SLC15A5: variants seen among roughly 807,000 people sequenced by gnomAD.
SLC15A5 encodes the protein Peptide/histidine transporter ENSP00000340402.
A neutral mutation model predicts 56.1 loss-of-function variants in SLC15A5; 58 were observed. The ratio of observed to expected loss-of-function variants is 1.03; its 90% CI spans 0.84 to 1.29. The LOEUF (loss-of-function observed/expected upper bound fraction) is 1.29, where lower values mean the gene tolerates loss of function less well. Among genes scored for constraint, SLC15A5 ranks in the 50% most tolerant of loss-of-function variants. The pLI is 0.00. For missense variants in SLC15A5, 681 were observed against 672.1 expected (o/e 1.01, Z -0.15); for synonymous variants, 264 against 250.5 (o/e 1.05, Z -0.51).
At position 16,258,990 on chromosome 12, in the gene SLC15A5, CTTTTT is replaced by C. The variant is rs35905307; in HGVS notation, c.585-1125_585-1121del. 8.2e-3 allele frequency among the ~76,000 whole-genome samples: 977 copies of C among 118,512 alleles called. 9 individuals carry two copies. Among genetic ancestry groups the C allele is most frequent in the African/African-American group, 0.029 (929 of 31,616 alleles). The allele number at this position is 118,512 out of a possible 152,430, so 77.7% of individuals were successfully genotyped here. On this transcript the variant is annotated intron_variant, in intron 2 of 8. Coordinates refer to ENST00000344941, the MANE Select transcript of SLC15A5 (RefSeq NM_001170798.1). Reference sequence around the variant, plus strand: ...GGCATGTCTGCCACATCTTCTTTTTCTTTTTTTTTTTTTCTTTTTCTTTTCTTTCT... The same window carrying C: ...GGCATGTCTGCCACATCTTCTTTTTCTTTTTTTTCTTTTTCTTTTCTTTCT...
At chr12:16,252,954 G>A (rs1864533476) in intron 3 of SLC15A5, among the ~76,000 whole-genome samples, 1 of 152,116 alleles carries the variant, frequency 6.6e-6, no homozygotes, top group African/African-American at 2.4e-5. Flanking sequence ...TAAGACCAAT[G>A]GAACAGAGTA....
Position 16,205,422 on chromosome 12 carries a change from G to A in SLC15A5, c.1484-10969C>T, listed in dbSNP as rs188318189. Among the ~76,000 whole-genome samples the A allele has an allele frequency of 2.9e-3, 433 of 150,966 alleles. 2 individuals are homozygous for A. The highest frequency in any genetic ancestry group is 9.4e-3 in the African/African-American group (388 of 41,158). On this transcript the variant is annotated intron_variant, in intron 7 of 8. Coordinates refer to ENST00000344941, the MANE Select transcript of SLC15A5 (RefSeq NM_001170798.1). ...CCCATTTCCAGGATTCTAGTCTAAG[G>A]CGGGAATAAGTTATGTACTTAATGA...
At chr12:16,205,426 G>A (rs566952203) in intron 7 of SLC15A5, among the ~76,000 whole-genome samples, 102 of 150,918 alleles carry the variant, frequency 6.8e-4, no homozygotes, top group African/African-American at 2.2e-3. Flanking sequence ...TCTAAGGCGG[G>A]AATAAGTTAT....
intron 2 of SLC15A5, among the ~76,000 whole-genome samples, chr12:16,259,010 C>CTTTT (rs1864610308): frequency 7.0e-5 from 5 of 71,548 alleles, no homozygotes; most frequent in Admixed American, 1.7e-4. Context: ...TTTTCTTTTT[C>CTTTT]TTTTCTTTCT....
At chr12:16,236,375 C>A (rs1369728732) in intron 5 of SLC15A5, among the ~76,000 whole-genome samples, 1 of 152,044 alleles carries the variant, frequency 6.6e-6, no homozygotes, top group Non-Finnish European at 1.5e-5. Flanking sequence ...GAAAATGCAG[C>A]CCTTGATAAA....
intron 5 of SLC15A5, among the ~76,000 whole-genome samples, chr12:16,232,373 A>G (rs998809816): frequency 2.0e-5 from 3 of 152,192 alleles, no homozygotes; most frequent in Non-Finnish European, 4.4e-5. Flanking sequence ...TTACTGAGTT[A>G]TTTTAGGAAG....
intron 7 of SLC15A5, among the ~76,000 whole-genome samples, chr12:16,213,888 G>C (rs559789680): frequency 3.2e-4 from 49 of 152,102 alleles, no homozygotes; most frequent in African/African-American, 1.1e-3. Flanking sequence ...CTCTACCTTT[G>C]TACTGTATCT....
chr12:16,228,195 T>C (rs534971432), intron 5 of SLC15A5, among the ~76,000 whole-genome samples: 2 of 152,188 alleles, frequency 1.3e-5, no homozygotes, highest in South Asian at 4.1e-4. Context: ...CTCAGGAAAT[T>C]GGGTGAATCA....
intron 6 of SLC15A5, among the ~76,000 whole-genome samples, chr12:16,223,527 T>C (rs1308772078): frequency 3.3e-5 from 5 of 152,190 alleles, no homozygotes; most frequent in African/African-American, 4.8e-5. Context: ...ATCTAGATAA[T>C]TCAGAAACCC....
intron 7 of SLC15A5, among the ~76,000 whole-genome samples, chr12:16,209,267 C>T (rs1360291521): frequency 1.3e-5 from 2 of 151,946 alleles, no homozygotes; most frequent in Non-Finnish European, 2.9e-5. Context: ...TATATACATA[C>T]ATATACACAC....
At chr12:16,229,978 G>A (rs1013840414) in intron 5 of SLC15A5, among the ~76,000 whole-genome samples, 1 of 152,046 alleles carries the variant, frequency 6.6e-6, no homozygotes, top group African/African-American at 2.4e-5. Context: ...AGATGTGAAA[G>A]GCTTAGTCAT....
At chr12:16,228,407 G>A (rs1477366430) in intron 5 of SLC15A5, among the ~76,000 whole-genome samples, 1 of 152,154 alleles carries the variant, frequency 6.6e-6, no homozygotes, top group African/African-American at 2.4e-5. Context: ...TCAAGGAGGA[G>A]GATATACAAA....
chr12:16,255,288 T>A (rs2417550), intron 3 of SLC15A5, among the ~76,000 whole-genome samples: 2 of 151,898 alleles, frequency 1.3e-5, no homozygotes, highest in Admixed American at 1.3e-4. Flanking sequence ...ACTAGAAACA[T>A]GAACAGGTAA....
At chr12:16,229,333 T>C (rs1206849114) in intron 5 of SLC15A5, among the ~76,000 whole-genome samples, 2 of 152,204 alleles carry the variant, frequency 1.3e-5, no homozygotes, top group Non-Finnish European at 2.9e-5. Flanking sequence ...TTCATCTTTC[T>C]TGAATATCTT....
rs141080841 is a variant in SLC15A5 at position 16,228,527 on chromosome 12, T to C, written c.1163-3925A>G. On this transcript the variant is annotated intron_variant, in intron 5 of 8. Transcript: ENST00000344941. ...CCTCCAAATACATCATTAAGTCCTGTAGATTTTGTTTCCAAAATACACTTG... is the reference window on the plus strand; with the variant it reads ...CCTCCAAATACATCATTAAGTCCTGCAGATTTTGTTTCCAAAATACACTTG... 4.7e-3 allele frequency among the ~76,000 whole-genome samples: 712 copies of C among 152,322 alleles called. 23 individuals are homozygous for C. Among genetic ancestry groups the C allele is most frequent in the Admixed American group, 0.042 (637 of 15,300 alleles).
chr12:16,213,630 T>A (rs75320766), intron 7 of SLC15A5, among the ~76,000 whole-genome samples: 2,301 of 152,312 alleles, frequency 0.015, 58 homozygotes, highest in African/African-American at 0.051. Flanking sequence ...AACATTCAAC[T>A]CTATGATTGT....
intron 5 of SLC15A5, among the ~76,000 whole-genome samples, chr12:16,228,828 A>C (rs964044330): frequency 8.7e-6 from 1 of 114,646 alleles, no homozygotes; most frequent in Non-Finnish European, 2.0e-5. Flanking sequence ...ATATAACATA[A>C]AATGTATATT....
intron 1 of SLC15A5, among the ~76,000 whole-genome samples, chr12:16,272,998 T>TG (rs937320493): frequency 1.4e-4 from 21 of 148,128 alleles, no homozygotes; most frequent in African/African-American, 4.7e-4. Context: ...GAGTTTTAGG[T>TG]TTTTTTTTTT....
Position 16,242,854 on chromosome 12 carries a change from T to C in SLC15A5, c.975+1726A>G, listed in dbSNP as rs187521607. Among the ~76,000 whole-genome samples the C allele has an allele frequency of 1.1e-4, 17 of 152,342 alleles. No homozygotes were observed. The East Asian group carries it at 1.9e-3, about 17-fold the overall frequency. On this transcript the variant is annotated intron_variant, in intron 4 of 8. Transcript: ENST00000344941. ...TATGGGCCATGTAGTAATTTTGTAC[T>C]GTTTATCGGTTCCTCCAATCTAAGA...
Sources: gnomAD v4.1 joint callset for allele counts (sites outside exome capture counted in the v4.1 genomes callset) on GRCh38, gnomAD v4.1.1 for gene constraint, MANE v1.5 for transcripts, NCBI Gene and HGNC (gene_info 2026-07-23, HGNC 2026-07-21) for gene names.